RBFOX2: variants seen among roughly 807,000 people sequenced by gnomAD.
RBFOX2 encodes RNA binding fox-1 homolog 2.
In RBFOX2, 10 loss-of-function variants were observed where a neutral mutation model predicts 49.1. The ratio of observed to expected loss-of-function variants is 0.20; its 90% CI spans 0.13 to 0.35. The LOEUF is 0.35. RBFOX2 is among the 10% of genes least tolerant of loss of function. RBFOX2 has a pLI of 1.00. For synonymous variants in RBFOX2, 183 were observed against 187.4 expected (o/e 0.98, Z 0.19); for missense variants, 323 against 486.9 (o/e 0.66, Z 3.17).
chr22:35,856,459 T>C (rs1436288265), intron 1 of RBFOX2, among the ~76,000 whole-genome samples: 1 of 152,188 alleles, frequency 6.6e-6, no homozygotes, highest in Non-Finnish European at 1.5e-5. Context: ...ATATTAGCTA[T>C]GCCTCAGGGT....
At chr22:35,910,913 G>A (rs777701680) in intron 1 of RBFOX2, among the ~76,000 whole-genome samples, 44 of 152,090 alleles carry the variant, frequency 2.9e-4, no homozygotes, top group Non-Finnish European at 1.8e-4. Flanking sequence ...TTCAGGCTAT[G>A]ACTTTACTTT....
chr22:35,761,135 A>G, intron 8 of RBFOX2, 67 bp downstream of exon 9: 1 of 1,419,106 alleles, frequency 7.0e-7, no homozygotes, highest in Non-Finnish European at 9.8e-7. Flanking sequence ...TAGGAAAAAA[A>G]AAAACAGTAC....
At chr22:35,782,295 G>A (rs979270508) in intron 2 of RBFOX2, among the ~76,000 whole-genome samples, 6 of 152,066 alleles carry the variant, frequency 3.9e-5, no homozygotes, top group African/African-American at 1.4e-4. Flanking sequence ...TATTATTTAT[G>A]AAGAGGAAAG....
intron 1 of RBFOX2, among the ~76,000 whole-genome samples, chr22:35,977,811 CA>C (rs112389643): frequency 1.6e-3 from 185 of 112,804 alleles, no homozygotes; most frequent in African/African-American, 3.1e-3. Context: ...AAATCCCCCT[CA>C]AAAAAAAAAA....
At chr22:35,806,004 G>A (rs12158067) in intron 2 of RBFOX2, among the ~76,000 whole-genome samples, 7,042 of 152,270 alleles carry the variant, frequency 0.046, 187 homozygotes, top group African/African-American at 0.057. Flanking sequence ...TAAACAAGCA[G>A]ACCACAGAGG....
intron 1 of RBFOX2, chr22:35,836,482 T>A (rs1310662675): frequency 2.6e-5 from 4 of 152,248 alleles, no homozygotes; most frequent in Non-Finnish European, 4.4e-5. Flanking sequence ...TGGTGATTCA[T>A]TACAAAAGAA....
intron 1 of RBFOX2, among the ~76,000 whole-genome samples, chr22:35,908,249 G>A (rs1259427699): frequency 6.6e-6 from 1 of 152,198 alleles, no homozygotes; most frequent in Non-Finnish European, 1.5e-5. Context: ...CAGGGATGTT[G>A]TCAAACCCAA....
At chr22:35,778,359 A>AGGTT in intron 3 of RBFOX2, among the ~76,000 whole-genome samples, 1 of 152,168 alleles carries the variant, frequency 6.6e-6, no homozygotes, top group Non-Finnish European at 1.5e-5. Context: ...AATTTTCCTA[A>AGGTT]CTACATCTCT....
chr22:35,903,571 A>C (rs1222137222), intron 1 of RBFOX2, among the ~76,000 whole-genome samples: 2 of 152,158 alleles, frequency 1.3e-5, no homozygotes, highest in Non-Finnish European at 2.9e-5. Flanking sequence ...CCATGCTCCA[A>C]TATGACTACT....
At chr22:35,803,199 AAAT>A (rs961903652) in intron 2 of RBFOX2, among the ~76,000 whole-genome samples, 1 of 151,544 alleles carries the variant, frequency 6.6e-6, no homozygotes, top group African/African-American at 2.4e-5. Context: ...ACAGAAAAAT[AAAT>A]AACACCCCAC....
chr22:35,830,921 CAG>C (rs769227173), intron 1 of RBFOX2, among the ~76,000 whole-genome samples: 1 of 152,010 alleles, frequency 6.6e-6, no homozygotes, highest in Non-Finnish European at 1.5e-5. Flanking sequence ...GAGAGCAAAT[CAG>C]GGGATTCATT....
Position 35,905,317 on chromosome 22 carries a change from T to A in RBFOX2, c.-34+33530A>T, listed in dbSNP as rs143014376. On this transcript the variant is annotated intron_variant, in intron 1 of 13. Transcript: ENST00000359369. ...AAAAGCAGGTAAAATAGATAGATGA[T>A]ATATGTCAAAATGGTGCCACTTAGT... Among the ~76,000 whole-genome samples, 605 of 152,236 alleles carry A rather than the reference T, an allele frequency of 4.0e-3. 2 individuals carry two copies. The highest frequency in any genetic ancestry group is 0.014 in the African/African-American group (575 of 41,558).
At chr22:36,014,703 C>T (rs2058966422) in intron 1 of RBFOX2, among the ~76,000 whole-genome samples, 1 of 152,064 alleles carries the variant, frequency 6.6e-6, no homozygotes, top group South Asian at 2.1e-4. Context: ...CAGAGTAACA[C>T]TTATTTCACA....
chr22:35,802,243 A>G (rs1386797516), intron 2 of RBFOX2, among the ~76,000 whole-genome samples: 1 of 152,366 alleles, frequency 6.6e-6, no homozygotes, highest in South Asian at 2.1e-4. Flanking sequence ...AAAGGAAAAA[A>G]GAGAAACAGA....
chr22:35,945,336 T>C (rs1161887307), intron 1 of RBFOX2, among the ~76,000 whole-genome samples: 1 of 152,240 alleles, frequency 6.6e-6, no homozygotes, highest in Non-Finnish European at 1.5e-5. Context: ...TATTTTTGAA[T>C]TGGGACATAA....
chr22:35,801,393 T>C (rs925825199), intron 2 of RBFOX2, among the ~76,000 whole-genome samples: 1 of 151,962 alleles, frequency 6.6e-6, no homozygotes, highest in African/African-American at 2.4e-5. Context: ...TTACAATGTA[T>C]TGCTCAACTG....
Position 35,851,549 on chromosome 22 carries a change from G to A in RBFOX2, c.-33-41545C>T, listed in dbSNP as rs192765666. The stretch of plus-strand genomic sequence containing the variant: ...CATTTTTTAAAAATTACTCTTGGCC[G>A]GGTGGTGTGGCTCACACCTGTAATC... On this transcript the variant is annotated intron_variant, in intron 1 of 13. Transcript: ENST00000359369. Among the ~76,000 whole-genome samples, 11 of 152,256 alleles carry A rather than the reference G, an allele frequency of 7.2e-5. No individual in the cohort carries two copies. In the East Asian group the frequency reaches 1.4e-3, roughly 19 times the overall value.
intron 1 of RBFOX2, among the ~76,000 whole-genome samples, chr22:35,936,036 G>C (rs2053020817): frequency 6.6e-6 from 1 of 151,920 alleles, no homozygotes; most frequent in Non-Finnish European, 1.5e-5. Context: ...ATTTAGGAAG[G>C]AACAGTGAAA....
At chr22:35,820,073 A>G (rs902119241) in intron 1 of RBFOX2, among the ~76,000 whole-genome samples, 1 of 152,232 alleles carries the variant, frequency 6.6e-6, no homozygotes, top group Non-Finnish European at 1.5e-5. Context: ...AGCATGGAAC[A>G]GAGTGGCAGG....
Sources: allele counts gnomAD v4.1 joint callset (sites outside exome capture counted in the v4.1 genomes callset), GRCh38; gene constraint gnomAD v4.1.1; transcripts MANE v1.5; gene names NCBI Gene and HGNC (gene_info 2026-07-23, HGNC 2026-07-21).